PTK2: variants seen among roughly 807,000 people sequenced by gnomAD.
The protein encoded by PTK2 is focal adhesion kinase 1.
A neutral mutation model predicts 150.1 loss-of-function variants in PTK2; 45 were observed. That is an observed-to-expected ratio of 0.30 (90% CI 0.24 to 0.38). The LOEUF is 0.38. Ranked by LOEUF, PTK2 falls within the 10% of genes least tolerant of loss-of-function variation. PTK2 has a pLI of 1.00. For missense variants in PTK2, 919 were observed against 1,307.3 expected (o/e 0.70, Z 4.58); for synonymous variants, 432 against 449.2 (o/e 0.96, Z 0.48).
At chr8:140,867,696 A>G (rs1450858228) in intron 4 of PTK2, among the ~76,000 whole-genome samples, 1 of 152,308 alleles carries the variant, frequency 6.6e-6, no homozygotes, top group East Asian at 1.9e-4. Context: ...CCCCTGTGAC[A>G]CGTAGTTTAC....
intron 23 of PTK2, among the ~76,000 whole-genome samples, chr8:140,715,178 T>TG (rs2100038979): frequency 1.5e-5 from 2 of 131,702 alleles, no homozygotes; most frequent in South Asian, 5.5e-4. Flanking sequence ...TTTTTTTTTT[T>TG]TTTTTTTTTT....
chr8:140,674,032 T>G (rs1325653235), intron 29 of PTK2: 2 of 585,444 alleles, frequency 3.4e-6, no homozygotes, highest in East Asian at 3.7e-5. Flanking sequence ...GGAAGATGTA[T>G]GTAGAAAATC....
At chr8:140,930,648 AAAGGTATTTCATTT>A (rs1473946118) in intron 1 of PTK2, among the ~76,000 whole-genome samples, 2 of 152,214 alleles carry the variant, frequency 1.3e-5, no homozygotes, top group East Asian at 3.8e-4. Context: ...TATTATTTAG[AAAGGTATTTCATTT>A]CTAAGTACTG....
At chr8:140,710,151 A>T (rs1290556600) in intron 23 of PTK2, among the ~76,000 whole-genome samples, 1 of 151,496 alleles carries the variant, frequency 6.6e-6, no homozygotes, top group Admixed American at 6.6e-5. Context: ...AAATATGAGA[A>T]GATTTTCATA....
chr8:140,763,212 GGCACAAT>G (rs540809960), intron 15 of PTK2, among the ~76,000 whole-genome samples: 300 of 152,236 alleles, frequency 2.0e-3, no homozygotes, highest in Non-Finnish European at 3.6e-3. Context: ...GGGCCCACAG[GGCACAAT>G]GCACACTTGA....
intron 5 of PTK2, among the ~76,000 whole-genome samples, chr8:140,849,746 A>G (rs1012841850): frequency 2.6e-5 from 4 of 152,244 alleles, no homozygotes; most frequent in Admixed American, 2.6e-4. Context: ...TCTGATCTTT[A>G]CAATAATTCT....
intron 22 of PTK2, among the ~76,000 whole-genome samples, chr8:140,719,816 G>T (rs1335852409): frequency 5.3e-5 from 8 of 149,768 alleles, no homozygotes; most frequent in Admixed American, 6.7e-5. Context: ...AGTCCGGGAG[G>T]TGGAGGCTGC....
intron 14 of PTK2, among the ~76,000 whole-genome samples, chr8:140,780,703 C>G (rs983807366): frequency 6.6e-6 from 1 of 152,182 alleles, no homozygotes; most frequent in Non-Finnish European, 1.5e-5. Context: ...ATGGGACAAT[C>G]AGGGATATTT....
chr8:140,746,106 C>CG (rs2100058582), intron 18 of PTK2, among the ~76,000 whole-genome samples: 2 of 152,150 alleles, frequency 1.3e-5, no homozygotes, highest in South Asian at 4.2e-4. Flanking sequence ...CCGAGGCAGG[C>CG]GGATCACTTG....
At chr8:140,890,107 A>G (rs1048531439) in intron 3 of PTK2, among the ~76,000 whole-genome samples, 10 of 152,222 alleles carry the variant, frequency 6.6e-5, no homozygotes, top group African/African-American at 2.4e-4. Flanking sequence ...AACCTAGCAC[A>G]GTGCCTGACA....
intron 10 of PTK2, among the ~76,000 whole-genome samples, chr8:140,808,803 T>C (rs2100099709): frequency 6.7e-6 from 1 of 149,560 alleles, no homozygotes; most frequent in Admixed American, 6.7e-5. Flanking sequence ...TGGTGTGATC[T>C]CAGCTCACTG....
chr8:140,846,795 C>T (rs182341339), intron 5 of PTK2, 117 bp from the exon 6 acceptor site: 6 of 644,264 alleles, frequency 9.3e-6, no homozygotes, highest in Non-Finnish European at 1.3e-5. Flanking sequence ...TCGGTAATTA[C>T]GCTTGATGTT....
chr8:140,792,461 C>A (rs1198861849), intron 13 of PTK2, among the ~76,000 whole-genome samples: 1 of 152,208 alleles, frequency 6.6e-6, no homozygotes, highest in Non-Finnish European at 1.5e-5. Flanking sequence ...CTGGACTTCA[C>A]CCCATGCACC....
chr8:140,732,411 T>A (rs1306541393), intron 22 of PTK2, among the ~76,000 whole-genome samples: 10 of 152,232 alleles, frequency 6.6e-5, no homozygotes, highest in Admixed American at 5.9e-4. Context: ...TCTAAAAATA[T>A]GTATTGGATA....
At chr8:140,950,013 C>T (rs1419917099) in intron 1 of PTK2, among the ~76,000 whole-genome samples, 3 of 152,192 alleles carry the variant, frequency 2.0e-5, no homozygotes, top group Non-Finnish European at 4.4e-5. Flanking sequence ...AAGGAGCTAC[C>T]CACTTTGGGT....
At chr8:140,973,616 T>C (rs1386095002) in intron 1 of PTK2, among the ~76,000 whole-genome samples, 3 of 152,166 alleles carry the variant, frequency 2.0e-5, no homozygotes, top group Non-Finnish European at 4.4e-5. Context: ...TAATCAACCA[T>C]GTACTGTTTA....
chr8:140,660,126 G>A (rs80222925), intron 31 of PTK2, among the ~76,000 whole-genome samples: 5,354 of 152,176 alleles, frequency 0.035, 246 homozygotes, highest in African/African-American at 0.11. Context: ...TCCATTCAAA[G>A]CCTTCCCTGA....
chr8:140,689,831 T>C (rs1482452686), intron 26 of PTK2, among the ~76,000 whole-genome samples: 1 of 152,248 alleles, frequency 6.6e-6, no homozygotes, highest in Admixed American at 6.5e-5. Context: ...GCCCATTCAC[T>C]TGAGGGACCA....
chr8:140,944,038 C>A (rs972985549), intron 1 of PTK2, among the ~76,000 whole-genome samples: 1 of 152,116 alleles, frequency 6.6e-6, no homozygotes, highest in Non-Finnish European at 1.5e-5. Flanking sequence ...AAAATCTAAA[C>A]TGCCTACTTG....
Sources: gnomAD v4.1 joint callset for allele counts (sites outside exome capture counted in the v4.1 genomes callset) on GRCh38, gnomAD v4.1.1 for gene constraint, MANE v1.5 for transcripts, NCBI Gene and HGNC (gene_info 2026-07-23, HGNC 2026-07-21) for gene names.